ACOT1: variants seen among roughly 807,000 people sequenced by gnomAD.
ACOT1 encodes the protein acyl-CoA thioesterase 1.
Under a neutral mutation model 15.7 loss-of-function variants are expected in ACOT1, and 8 were observed. The ratio of observed to expected loss-of-function variants is 0.51; its 90% confidence interval spans 0.30 to 0.92. The LOEUF is 0.92. Ranked by LOEUF, ACOT1 falls within the 40% of genes least tolerant of loss-of-function variation. ACOT1 has a pLI of 0.06. For missense variants in ACOT1, 151 were observed against 539.4 expected (o/e 0.28, Z 7.13); for synonymous variants, 67 against 241.2 (o/e 0.28, Z 6.69).
At chr14:73,503,958 C>T in the ACOT1 span, among the ~76,000 whole-genome samples, 1 of 151,960 alleles carries the variant, frequency 6.6e-6, no homozygotes. Context: ...TTTCAGTTGT[C>T]AATTCTAAGT....
the ACOT1 span, among the ~76,000 whole-genome samples, chr14:73,502,667 C>T: frequency 6.6e-6 from 1 of 152,118 alleles, no homozygotes; most frequent in Non-Finnish European, 1.5e-5. Flanking sequence ...CCTGTCTCAG[C>T]CTCCCGAGTA....
At chr14:73,498,463 A>AT in the ACOT1 span, 1 of 849,240 alleles carries the variant, frequency 1.2e-6, no homozygotes, top group East Asian at 2.7e-5. Flanking sequence ...CACCATTAGA[A>AT]TTTTAGGGAT....
the ACOT1 span, among the ~76,000 whole-genome samples, chr14:73,506,827 T>TTTTTTTTTA: frequency 1.6e-5 from 2 of 122,896 alleles, no homozygotes; most frequent in East Asian, 2.1e-4. Flanking sequence ...TTTTTTTTTC[T>TTTTTTTTTA]GAGAAGGTTG....
the ACOT1 span, chr14:73,490,957 C>T: frequency 6.5e-4 from 845 of 1,292,040 alleles, 7 homozygotes; most frequent in African/African-American, 0.012. Context: ...CCGCTGCATT[C>T]AGGAACCGCT....
At chr14:73,509,285 G>A in the ACOT1 span, 4 of 1,607,620 alleles carry the variant, frequency 2.5e-6, no homozygotes, top group Admixed American at 6.7e-5. Context: ...CATATTTCCA[G>A]GTCAGAAGTA....
At position 73,543,050 on chromosome 14, in the gene ACOT1, G is replaced by A. The variant is rs1304851966; in HGVS notation, c.661G>A (p.Val221Ile). ...TCTTTTTCCTTTGTCCCTTTCTCAG[G>A]TAAAAGGTCCAGGAGTTGGGCTGCT... is the stretch of plus-strand genomic sequence containing the variant. ...AVNYLLSHPE[V>I]KGPGVGLLGI... The change falls in exon 3 of 3, where the codon GTA becomes ATA. Residue 221 changes from valine (V) to isoleucine (I), a missense_variant and splice_region_variant. By Grantham distance (29) the Val-to-Ile change is conservative. Transcript: ENST00000311148. 7.0e-7 allele frequency: 1 copy of A among 1,434,362 alleles called. No individual in the cohort carries two copies. The highest frequency in any genetic ancestry group is 9.5e-7 in the Non-Finnish European group (1 of 1,049,918). The allele number at this position is 1,434,362 out of a possible 1,614,324, so 88.9% of individuals were successfully genotyped here. A position where few individuals can be genotyped will look rare whatever the true frequency, so the allele number is the denominator to read the frequency against.
rs1889113672 is a variant in ACOT1 at position 73,542,283 on chromosome 14, C to T, written c.660+588C>T. 1.8e-5 allele frequency among the ~76,000 whole-genome samples: 2 copies of T among 108,614 alleles called. 1 individual carries two copies. The highest frequency in any genetic ancestry group is 4.0e-5 in the Non-Finnish European group (2 of 50,302). The allele number at this position is 108,614 out of a possible 152,430, so 71.3% of individuals were successfully genotyped here. A position where few individuals can be genotyped will look rare whatever the true frequency, so the allele number is the denominator to read the frequency against. On this transcript the variant is annotated intron_variant, in intron 2 of 2. Coordinates refer to ENST00000311148, the MANE Select transcript of ACOT1 (RefSeq NM_001037161.2). ...AGAGTGCTGGAATTACAGGCATGAG[C>T]CACCACACCTGGCCTCTTATAGACA...
chr14:73,499,011 C>A, the ACOT1 span: 1 of 1,440,126 alleles, frequency 6.9e-7, no homozygotes, highest in Admixed American at 1.7e-5. Context: ...GGGATCATTT[C>A]TACTTGCATA....
At chr14:73,506,460 G>T in the ACOT1 span, 1 of 1,608,840 alleles carries the variant, frequency 6.2e-7, no homozygotes, top group Admixed American at 1.7e-5. Flanking sequence ...CAAAGAAAGA[G>T]GTTTACCAAG....
chr14:73,518,705 C>T, the ACOT1 span, among the ~76,000 whole-genome samples: 1 of 152,016 alleles, frequency 6.6e-6, no homozygotes, highest in African/African-American at 2.4e-5. Context: ...ATGCACTTTC[C>T]CTGTTAGGTG....
At position 73,537,797 on chromosome 14, in the gene ACOT1, G is replaced by T. The variant is rs746571011; in HGVS notation, c.376G>T (p.Glu126Ter). The change falls in exon 1 of 3, where the codon GAG (glutamate) becomes TAG (stop). Residue 126 changes from glutamate (E) to a stop codon, truncating the protein, a stop_gained. Coordinates refer to ENST00000311148, the MANE Select transcript of ACOT1 (RefSeq NM_001037161.2). LOFTEE classifies it high-confidence loss of function. ...GCGGCTGCTGTGCCGGGTGCGGCAC[G>T]AGCGCTACTTCCTCCCGCCCGGGGT... is the stretch of plus-strand genomic sequence containing the variant. ...PGRLLCRVRH[E>*]RYFLPPGVRR... 1.6e-6 allele frequency: 2 copies of T among 1,223,152 alleles called. 1 individual carries two copies. 75.8% of individuals were successfully genotyped at this position (1,223,152 alleles called of 1,614,324 possible). A position where few individuals can be genotyped will look rare whatever the true frequency, so the allele number is the denominator to read the frequency against.
the ACOT1 span, among the ~76,000 whole-genome samples, chr14:73,523,905 T>A: frequency 6.6e-6 from 1 of 152,182 alleles, no homozygotes; most frequent in Non-Finnish European, 1.5e-5. Flanking sequence ...GAGACTCTAA[T>A]TCCATTGCCC....
chr14:73,502,176 G>A, the ACOT1 span, among the ~76,000 whole-genome samples: 1 of 151,634 alleles, frequency 6.6e-6, no homozygotes, highest in African/African-American at 2.4e-5. Context: ...TTACAGGCGT[G>A]TGCCACTGGG....
chr14:73,526,990 C>G, the ACOT1 span, among the ~76,000 whole-genome samples: 2 of 152,264 alleles, frequency 1.3e-5, no homozygotes, highest in East Asian at 3.9e-4. Context: ...GAGATGTTGC[C>G]TGGGTAACCG....
chr14:73,491,055 G>A, the ACOT1 span: 4 of 1,590,080 alleles, frequency 2.5e-6, no homozygotes, highest in African/African-American at 2.7e-5. Flanking sequence ...CCGTTGAGGC[G>A]CGGGCGGCCG....
At chr14:73,508,750 T>C in the ACOT1 span, among the ~76,000 whole-genome samples, 11 of 33,418 alleles carry the variant, frequency 3.3e-4, no homozygotes, top group African/African-American at 1.6e-3. Context: ...AAACTCTGTC[T>C]CAAAAAAAAA....
At chr14:73,533,116 C>A (rs183946974), upstream of ACOT1, among the ~76,000 whole-genome samples, 538 of 114,742 alleles carry the variant, frequency 4.7e-3, 26 homozygotes, top group African/African-American at 0.014. Context: ...CAGAGGGAGA[C>A]CCTGTTTCTA....
upstream of ACOT1, chr14:73,536,986 G>T (rs114373737): frequency 1.2e-4 from 9 of 77,480 alleles, no homozygotes; most frequent in Non-Finnish European, 2.4e-4. Context: ...GGTTGTTGTT[G>T]TTTTTTTTTT....
intron 1 of ACOT1, among the ~76,000 whole-genome samples, chr14:73,540,288 T>C (rs1232305684): frequency 1.3e-5 from 2 of 151,516 alleles, no homozygotes; most frequent in African/African-American, 4.8e-5. Context: ...TCTGGATTAA[T>C]TTAAAAAAAG....
Sources: gnomAD v4.1 joint callset for allele counts (sites outside exome capture counted in the v4.1 genomes callset) on GRCh38, gnomAD v4.1.1 for gene constraint, MANE v1.5 for transcripts, NCBI Gene and HGNC (gene_info 2026-07-23, HGNC 2026-07-21) for gene names.